Variants in PAPOLA observed in about 807,000 individuals in gnomAD.
PAPOLA encodes the protein poly(A) polymerase alpha.
A neutral mutation model predicts 100.6 loss-of-function variants in PAPOLA; 15 were observed. The observed-to-expected ratio is 0.15, with a 90% CI of 0.10 to 0.23. The LOEUF (loss-of-function observed/expected upper bound fraction) is 0.23, where lower values mean the gene tolerates loss of function less well. Among genes scored for constraint, PAPOLA ranks in the 10% least tolerant of loss-of-function variants. The pLI is 1.00. For missense variants in PAPOLA, 533 were observed against 884.2 expected (o/e 0.60, Z 5.04); for synonymous variants, 293 against 300.0 (o/e 0.98, Z 0.24).
intron 3 of PAPOLA, among the ~76,000 whole-genome samples, chr14:96,522,620 G>C (rs374529818): frequency 3.0e-4 from 45 of 152,236 alleles, no homozygotes; most frequent in African/African-American, 1.1e-3. Flanking sequence ...GCCTAGGCTA[G>C]TCTCGAACTC....
At chr14:96,554,434 T>G (rs914786463) in intron 17 of PAPOLA, among the ~76,000 whole-genome samples, 3 of 152,276 alleles carry the variant, frequency 2.0e-5, no homozygotes, top group Non-Finnish European at 4.4e-5. Context: ...TGACTACATT[T>G]ACATTCATAT....
At chr14:96,516,325 C>T (rs1228894768) in intron 1 of PAPOLA, among the ~76,000 whole-genome samples, 2 of 151,540 alleles carry the variant, frequency 1.3e-5, no homozygotes, top group South Asian at 2.1e-4. Context: ...TTTTCCTTTT[C>T]TTTCTTTCTT....
At chr14:96,536,132 C>A (rs978657224) in intron 11 of PAPOLA, 133 bp downstream of exon 11, 24 of 609,716 alleles carry the variant, frequency 3.9e-5, no homozygotes, top group Non-Finnish European at 5.6e-5. Context: ...TTATTTATTA[C>A]AGTATATATT....
At chr14:96,531,843 C>T in intron 7 of PAPOLA, 2 of 1,398,060 alleles carry the variant, frequency 1.4e-6, no homozygotes, top group South Asian at 3.4e-5. Context: ...CTTTTGTACT[C>T]TGTTGCTAGT....
chr14:96,535,159 A>T (rs1899408952), intron 10 of PAPOLA: 1 of 935,344 alleles, frequency 1.1e-6, no homozygotes, highest in African/African-American at 1.8e-5. Context: ...TTATAAACTG[A>T]TAAAAGAAAT....
chr14:96,504,064 C>G (rs894715178), intron 1 of PAPOLA, among the ~76,000 whole-genome samples: 2 of 152,058 alleles, frequency 1.3e-5, no homozygotes, highest in African/African-American at 4.8e-5. Flanking sequence ...AATAAGAGAC[C>G]CTAGGAGAAC....
chr14:96,554,892 A>G (rs560031980), intron 17 of PAPOLA, among the ~76,000 whole-genome samples: 1 of 152,264 alleles, frequency 6.6e-6, no homozygotes, highest in Non-Finnish European at 1.5e-5. Context: ...ATAGGGGTTA[A>G]TTATAGAAAT....
intron 1 of PAPOLA, among the ~76,000 whole-genome samples, chr14:96,510,095 C>G (rs1224173744): frequency 6.6e-6 from 1 of 151,064 alleles, no homozygotes; most frequent in African/African-American, 2.4e-5. Flanking sequence ...TTCTTTCTTC[C>G]TCTTTTGTTA....
chr14:96,535,789 A>C (rs1899472774), intron 10 of PAPOLA, 90 bp from the exon 11 acceptor site: 1 of 1,110,562 alleles, frequency 9.0e-7, no homozygotes, highest in South Asian at 3.2e-5. Context: ...TAAAAAATAG[A>C]ATCATTGGTT....
chr14:96,562,687 A>C (rs1901954832), intron 20 of PAPOLA, 132 bp from the exon 21 acceptor site: 2 of 583,318 alleles, frequency 3.4e-6, no homozygotes, highest in African/African-American at 1.9e-5. Flanking sequence ...TGTTTTTGTA[A>C]TGTAGTCACA....
At chr14:96,533,542 A>G (rs770264304) in intron 9 of PAPOLA, 36 of 766,274 alleles carry the variant, frequency 4.7e-5, no homozygotes, top group Non-Finnish European at 5.5e-5. Context: ...GAATGTCAGA[A>G]TTTCTTTTTT....
chr14:96,528,560 A>G (rs1233415169), intron 6 of PAPOLA, among the ~76,000 whole-genome samples: 1 of 152,224 alleles, frequency 6.6e-6, no homozygotes, highest in African/African-American at 2.4e-5. Context: ...CTGGAAAGTC[A>G]CAGATAATAA....
intron 16 of PAPOLA, among the ~76,000 whole-genome samples, chr14:96,551,488 A>G (rs1036209395): frequency 3.3e-5 from 5 of 152,244 alleles, no homozygotes; most frequent in African/African-American, 1.2e-4. Context: ...TCATTCATGT[A>G]CATAAGTGAT....
At chr14:96,545,221 G>T (rs370135185) in intron 15 of PAPOLA, among the ~76,000 whole-genome samples, 20 of 152,138 alleles carry the variant, frequency 1.3e-4, no homozygotes, top group African/African-American at 4.3e-4. Context: ...GTGCCAGTTT[G>T]TTAAAAAGTC....
intron 6 of PAPOLA, among the ~76,000 whole-genome samples, chr14:96,530,895 A>G (rs1470379677): frequency 6.6e-6 from 1 of 151,116 alleles, no homozygotes; most frequent in African/African-American, 2.4e-5. Flanking sequence ...ACTTACCGCA[A>G]CCTCCGCCTT....
chr14:96,532,567 C>T lies in PAPOLA; in HGVS notation c.754C>T (p.Leu252=). 6.2e-7 allele frequency: 1 copy of T among 1,613,028 alleles called. No homozygotes were observed. Among genetic ancestry groups the T allele is most frequent in the Non-Finnish European group, 8.5e-7 (1 of 1,179,650 alleles). The change falls in exon 9 of 22, where the codon CTA becomes TTA. Residue 252 remains leucine, a synonymous_variant. Transcript: ENST00000216277. ...GFLGGVSWAM[L]VARTCQLYPN... is the part of the protein sequence containing the mutation. ...CCTCGGTGGTGTTTCCTGGGCTATG[C>T]TAGTAGCAAGAACTTGCCAGCTTTA... is the stretch of plus-strand genomic sequence containing the variant.
intron 15 of PAPOLA, among the ~76,000 whole-genome samples, chr14:96,546,476 C>T (rs1233408888): frequency 4.6e-5 from 7 of 152,106 alleles, no homozygotes; most frequent in Admixed American, 3.9e-4. Flanking sequence ...CTGTGGTTTG[C>T]AAGCCTCTGC....
rs186670277 is a variant in PAPOLA, at chr14:96,544,863, T to C, written c.1399+605T>C. ...CCGACTATGGGGATTCAAATGTTAATGCATAGGTGGGAAATAGGCTGATTA... is the reference window on the plus strand; with the variant it reads ...CCGACTATGGGGATTCAAATGTTAACGCATAGGTGGGAAATAGGCTGATTA... On this transcript the variant is annotated intron_variant, in intron 15 of 21. Coordinates refer to ENST00000216277, the MANE Select transcript of PAPOLA (RefSeq NM_032632.5). 3.6e-3 allele frequency among the ~76,000 whole-genome samples: 544 copies of C among 152,210 alleles called. 4 individuals carry two copies. The highest frequency in any genetic ancestry group is 0.013 in the African/African-American group (520 of 41,562).
intron 17 of PAPOLA, among the ~76,000 whole-genome samples, chr14:96,555,370 G>A (rs369088947): frequency 2.0e-5 from 3 of 151,580 alleles, no homozygotes; most frequent in South Asian, 4.2e-4. Context: ...ACCATGCCTG[G>A]CCTCTTATTA....
Sources: gnomAD v4.1 joint callset for allele counts (sites outside exome capture counted in the v4.1 genomes callset) on GRCh38, gnomAD v4.1.1 for gene constraint, MANE v1.5 for transcripts, NCBI Gene and HGNC (gene_info 2026-07-23, HGNC 2026-07-21) for gene names.